Variants in SBK1 observed in about 807,000 individuals in gnomAD.
SBK1 encodes serine/threonine-protein kinase SBK1.
SBK1 carries 11 observed loss-of-function variants against 24.4 expected under a neutral mutation model. The ratio of observed to expected loss-of-function variants is 0.45; its 90% CI spans 0.28 to 0.75. The LOEUF (loss-of-function observed/expected upper bound fraction) is 0.75. Among genes scored for constraint, SBK1 ranks in the 30% least tolerant of loss-of-function variants. SBK1 has a pLI of 0.12. For missense variants in SBK1, 467 were observed against 620.5 expected, an observed-to-expected ratio of 0.75 and a Z score of 2.63; for synonymous variants, 308 against 284.4, an observed-to-expected ratio of 1.08 and a Z score of -0.83.
intron 1 of SBK1, among the ~76,000 whole-genome samples, chr16:28,269,283 C>A (rs2044449142): frequency 6.6e-6 from 1 of 151,946 alleles, no homozygotes; most frequent in African/African-American, 2.4e-5. Context: ...GATTCACCAG[C>A]CTCGGCCTCC....
At position 28,319,620 on chromosome 16, in the gene SBK1, C is replaced by T. The variant is rs1201183024; in HGVS notation, c.429+423C>T. ...CTTGCTGGCTGAGTGATGAGACCTT[C>T]GGAGCAGGTCCTCCTTCTTTGCTGA... On this transcript the variant is annotated intron_variant, in intron 3 of 3. Transcript: ENST00000341901. The surrounding 1 kb of genome is among the most constrained non-coding windows in gnomAD (Gnocchi z 4.0). Among the ~76,000 whole-genome samples, 1 of 150,916 alleles carries T rather than the reference C, an allele frequency of 6.6e-6. No individual in the cohort carries two copies. The highest frequency in any genetic ancestry group is 2.4e-5 in the African/African-American group (1 of 41,328).
At chr16:28,273,505 T>A (rs1221907575) in intron 1 of SBK1, among the ~76,000 whole-genome samples, 1 of 152,118 alleles carries the variant, frequency 6.6e-6, no homozygotes, top group Non-Finnish European at 1.5e-5. Flanking sequence ...ATTACAGGCA[T>A]GAGCCACCAT....
intron 1 of SBK1, among the ~76,000 whole-genome samples, chr16:28,284,116 C>G (rs35471754): frequency 6.6e-6 from 1 of 152,202 alleles, no homozygotes; most frequent in South Asian, 2.1e-4. Flanking sequence ...CGACGCTTGT[C>G]GCTGTCTTCC....
At chr16:28,309,622 C>T (rs1305476407) in intron 1 of SBK1, among the ~76,000 whole-genome samples, 5 of 152,124 alleles carry the variant, frequency 3.3e-5, no homozygotes, top group South Asian at 2.1e-4. Context: ...TCAAGCTGGA[C>T]GTGGTGGCGC....
At chr16:28,280,149 A>ATGTG (rs71380914) in intron 1 of SBK1, among the ~76,000 whole-genome samples, 1,425 of 39,232 alleles carry the variant, frequency 0.036, 91 homozygotes, top group Non-Finnish European at 0.05. Context: ...ATATATATAT[A>ATGTG]TGTGTGTGTG....
chr16:28,264,700 A>G (rs2044417191), intron 1 of SBK1, among the ~76,000 whole-genome samples: 1 of 152,158 alleles, frequency 6.6e-6, no homozygotes, highest in Non-Finnish European at 1.5e-5. Flanking sequence ...CTCTCGGCTG[A>G]CGGTGGAACT....
chr16:28,273,195 C>A (rs2044477395), intron 1 of SBK1, among the ~76,000 whole-genome samples: 1 of 151,342 alleles, frequency 6.6e-6, no homozygotes, highest in Non-Finnish European at 1.5e-5. Context: ...AAGGTGTGAG[C>A]CACCGCACCT....
intron 1 of SBK1, among the ~76,000 whole-genome samples, chr16:28,312,592 T>C (rs1335454822): frequency 6.6e-6 from 1 of 152,212 alleles, no homozygotes; most frequent in African/African-American, 2.4e-5. Context: ...GGCCTGGCAC[T>C]GTTCCTACCT....
At chr16:28,266,407 T>A (rs1042789550) in intron 1 of SBK1, among the ~76,000 whole-genome samples, 1 of 151,914 alleles carries the variant, frequency 6.6e-6, no homozygotes, top group East Asian at 1.9e-4. Context: ...GGATAGTGAG[T>A]GGATTTTTAA....
In SBK1 at chr16:28,319,059, G is replaced by A; in HGVS notation, c.291G>A (p.Glu97=). The A allele has an allele frequency of 6.2e-7, 1 of 1,614,134 alleles. No homozygotes were observed. The highest frequency in any genetic ancestry group is 8.5e-7 in the Non-Finnish European group (1 of 1,180,016). ...CCAAGCTGAAGAACTTCCTACGGGA[G>A]GTGAGCATCACCAACAGCCTCTCCT... ...SKTKLKNFLR[E]VSITNSLSSS... The change falls in exon 3 of 4, where the codon GAG becomes GAA. Residue 97 remains glutamate (E), a synonymous_variant. Coordinates refer to ENST00000341901, the MANE Select transcript of SBK1 (RefSeq NM_001024401.3). The surrounding 1 kb of genome is among the most constrained non-coding windows in gnomAD (Gnocchi z 4.0).
intron 1 of SBK1, among the ~76,000 whole-genome samples, chr16:28,309,092 C>T (rs1259989971): frequency 6.6e-6 from 1 of 152,164 alleles, no homozygotes; most frequent in Non-Finnish European, 1.5e-5. Flanking sequence ...ACGGGCAATC[C>T]TCCACAGCAG....
chr16:28,277,433 T>C (rs2044500915), intron 1 of SBK1, among the ~76,000 whole-genome samples: 2 of 151,696 alleles, frequency 1.3e-5, no homozygotes, highest in South Asian at 4.2e-4. Flanking sequence ...TCCCAGTGCT[T>C]TGGGAGGCCC....
chr16:28,306,814 G>GTA, intron 1 of SBK1, among the ~76,000 whole-genome samples: 1 of 152,216 alleles, frequency 6.6e-6, no homozygotes, highest in Non-Finnish European at 1.5e-5. Context: ...TACGTGTTTG[G>GTA]GAAATTGTAA....
At chr16:28,280,192 T>C (rs992377808) in intron 1 of SBK1, among the ~76,000 whole-genome samples, 1 of 128,998 alleles carries the variant, frequency 7.8e-6, no homozygotes. Flanking sequence ...TACATATATA[T>C]GTACATATAT....
rs2044607381 is a variant in SBK1, at chr16:28,292,536, G to A, written c.-772G>A. 2.0e-6 allele frequency: 2 copies of A among 979,346 alleles called. No individual in the cohort carries two copies. Among genetic ancestry groups the A allele is most frequent in the African/African-American group, 1.8e-5 (1 of 56,560 alleles). 60.7% of individuals were successfully genotyped at this position (979,346 alleles called of 1,614,324 possible). On this transcript the variant is annotated 5_prime_UTR_variant, in exon 1 of 4. The change abolishes an upstream ATG in the 5' untranslated region. Coordinates refer to ENST00000341901, the MANE Select transcript of SBK1 (RefSeq NM_001024401.3). ...GAGGGCGGAGCCGCGATGCCGCGAT[G>A]GAGCGCAGCCCGGGCGGGCGCCGGG...
rs536096287 is a variant in SBK1, at chr16:28,278,917, G to A, written c.257+19415G>A. Among the ~76,000 whole-genome samples the A allele has an allele frequency of 2.6e-5, 4 of 152,346 alleles. No individual in the cohort carries two copies. In the East Asian group the frequency reaches 7.7e-4, roughly 29 times the overall value. ...CCCCATCAACCTCCCTGTGCCCAAA[G>A]GAGCATGACATTAGAAAGGAAAAAA... On this transcript the variant is annotated intron_variant, in intron 1 of 3. Transcript: ENST00000671413.
At chr16:28,276,838 G>A (rs189538662) in intron 1 of SBK1, among the ~76,000 whole-genome samples, 14 of 151,908 alleles carry the variant, frequency 9.2e-5, no homozygotes, top group African/African-American at 3.4e-4. Flanking sequence ...CTAATTTTTT[G>A]TATTTTTAGT....
chr16:28,260,249 T>C (rs11860123), intron 1 of SBK1, among the ~76,000 whole-genome samples: 1,688 of 152,292 alleles, frequency 0.011, 21 homozygotes, highest in African/African-American at 0.035. Flanking sequence ...GGAAGGGCTG[T>C]GCCTGGGGCC....
At chr16:28,264,010 T>G (rs2044413009) in intron 1 of SBK1, among the ~76,000 whole-genome samples, 1 of 152,006 alleles carries the variant, frequency 6.6e-6, no homozygotes, top group Non-Finnish European at 1.5e-5. Flanking sequence ...GGGCCTGTAG[T>G]CCCAGCTACT....
Sources: allele counts gnomAD v4.1 joint callset (sites outside exome capture counted in the v4.1 genomes callset), GRCh38; gene constraint gnomAD v4.1.1; non-coding constraint Gnocchi (gnomAD v3.1); transcripts MANE v1.5; gene names NCBI Gene and HGNC (gene_info 2026-07-23, HGNC 2026-07-21).